The following CHST15 variants were observed in gnomAD, a reference collection of about 807,000 sequenced individuals.
The protein encoded by CHST15 is B cell RAG associated protein (GALNAC4S-6ST).
CHST15 carries 30 observed loss-of-function variants against 53.6 expected under a neutral mutation model. The observed-to-expected ratio is 0.56, with a 90% CI of 0.42 to 0.76. CHST15 has a LOEUF of 0.76. Among genes scored for constraint, CHST15 ranks in the 30% least tolerant of loss-of-function variants. The pLI is 0.00. For synonymous variants in CHST15, 296 were observed against 289.8 expected (o/e 1.02, Z -0.22); for missense variants, 627 against 740.5 (o/e 0.85, Z 1.78).
At chr10:124,025,690 T>C (rs1367874897) in intron 5 of CHST15, among the ~76,000 whole-genome samples, 2 of 152,170 alleles carry the variant, frequency 1.3e-5, no homozygotes, top group African/African-American at 4.8e-5. Context: ...GCAGATGTCA[T>C]TAAGTGTAGG....
At chr10:124,057,153 T>A (rs1277937166) in intron 1 of CHST15, among the ~76,000 whole-genome samples, 1 of 152,254 alleles carries the variant, frequency 6.6e-6, no homozygotes, top group Non-Finnish European at 1.5e-5. Context: ...TCTCAGGGCC[T>A]CTGTTTCTCC....
At chr10:124,079,420 C>T (rs932920254) in intron 1 of CHST15, among the ~76,000 whole-genome samples, 3 of 152,198 alleles carry the variant, frequency 2.0e-5, no homozygotes, top group East Asian at 3.9e-4. Context: ...CACAAGAAAG[C>T]CTGGCATTAA....
rs1342397659 is a variant in CHST15, at chr10:124,046,704, C to T, written c.-492G>A. 1 of 152,898 alleles carries T rather than the reference C, an allele frequency of 6.5e-6. No individual in the cohort carries two copies. Among genetic ancestry groups the T allele is most frequent in the Non-Finnish European group, 1.5e-5 (1 of 68,580 alleles). The allele number at this position is 152,898 out of a possible 1,614,324, so 9.5% of individuals were successfully genotyped here. A position where few individuals can be genotyped will look rare whatever the true frequency, so the allele number is the denominator to read the frequency against. On this transcript the variant is annotated 5_prime_UTR_variant, in exon 2 of 8. Coordinates refer to ENST00000435907, the MANE Select transcript of CHST15 (RefSeq NM_001270764.2). ...ATATTTCCTCTTTGTGGGGCGCAAA[C>T]TTTAAAAAATGCCAGATTTCCTACA...
chr10:124,027,080 T>A (rs1029663909), intron 5 of CHST15, among the ~76,000 whole-genome samples: 21 of 152,316 alleles, frequency 1.4e-4, no homozygotes, highest in African/African-American at 5.1e-4. Context: ...AGATGGGTAT[T>A]ACATTTGGCC....
Position 124,009,594 on chromosome 10 carries a change from G to C in CHST15, c.*555C>G. ...CGAAAGACTGCGGTTCTCTGTCCCA[G>C]TGAGGTTAGCGATCGCAACAAGAGT... On this transcript the variant is annotated 3_prime_UTR_variant, in exon 8 of 8. Coordinates refer to ENST00000435907, the MANE Select transcript of CHST15 (RefSeq NM_001270764.2). 2.0e-6 allele frequency: 2 copies of C among 990,040 alleles called. No homozygotes were observed. Among genetic ancestry groups the C allele is most frequent in the South Asian group, 4.6e-5 (1 of 21,780 alleles). 61.3% of individuals were successfully genotyped at this position (990,040 alleles called of 1,614,324 possible). A position where few individuals can be genotyped will look rare whatever the true frequency, so the allele number is the denominator to read the frequency against.
chr10:124,038,254 G>GCACC (rs1386400621), intron 5 of CHST15, among the ~76,000 whole-genome samples: 1 of 151,904 alleles, frequency 6.6e-6, no homozygotes, highest in Non-Finnish European at 1.5e-5. Flanking sequence ...CTATAGGAGT[G>GCACC]TGCCACCACA....
chr10:124,051,275 T>C (rs1320227191), intron 1 of CHST15, among the ~76,000 whole-genome samples: 2 of 152,160 alleles, frequency 1.3e-5, no homozygotes, highest in South Asian at 4.1e-4. Context: ...ATAGTAAATA[T>C]ACATAGTAAA....
chr10:124,073,153 C>A (rs1948972710), intron 1 of CHST15, among the ~76,000 whole-genome samples: 1 of 152,194 alleles, frequency 6.6e-6, no homozygotes, highest in African/African-American at 2.4e-5. Context: ...CAAAAGACAT[C>A]AACTAGAATG....
At position 124,024,760 on chromosome 10, in the gene CHST15, C is replaced by T. The variant is rs908198309; in HGVS notation, c.1191-3348G>A. ...TCAATAAGTGCCAAAATCAGACACG[C>T]GTGAACCTTCAAGCAAGGTTTGGCT... On this transcript the variant is annotated intron_variant, in intron 5 of 7. Coordinates refer to ENST00000435907, the MANE Select transcript of CHST15 (RefSeq NM_001270764.2). The surrounding 1 kb of genome is among the most constrained non-coding windows in gnomAD (Gnocchi z 4.0). Among the ~76,000 whole-genome samples, 49 of 152,188 alleles carry T rather than the reference C, an allele frequency of 3.2e-4. No individual in the cohort carries two copies. Among genetic ancestry groups the T allele is most frequent in the African/African-American group, 1.0e-3 (42 of 41,440 alleles).
chr10:124,060,247 C>G (rs1045397027), intron 1 of CHST15, among the ~76,000 whole-genome samples: 1 of 151,388 alleles, frequency 6.6e-6, no homozygotes, highest in Admixed American at 6.6e-5. Context: ...ATGTGCCAGC[C>G]CCGCCCCCAG....
rs780098921 is a variant in CHST15, at chr10:124,021,135, A to T, written c.1347+121T>A. 13 of 1,531,684 alleles carry T rather than the reference A, an allele frequency of 8.5e-6. 1 individual carries two copies. The highest frequency in any genetic ancestry group is 1.7e-4 in the Middle Eastern group (1 of 5,946). The allele number at this position is 1,531,684 out of a possible 1,614,324, so 94.9% of individuals were successfully genotyped here. On this transcript the variant is annotated intron_variant, in intron 6 of 7. Coordinates refer to ENST00000435907, the MANE Select transcript of CHST15 (RefSeq NM_001270764.2). ...AATGGGGAACAGCATTTGCACATTAAAACGCTTCTCTCTGTTCCTATGCTG... is the reference window on the plus strand; with the variant it reads ...AATGGGGAACAGCATTTGCACATTATAACGCTTCTCTCTGTTCCTATGCTG...
At chr10:124,032,887 T>C (rs1947279992) in intron 5 of CHST15, among the ~76,000 whole-genome samples, 1 of 143,838 alleles carries the variant, frequency 7.0e-6, no homozygotes, top group East Asian at 2.1e-4. Context: ...TTGCTTAAAA[T>C]TCCAACATTT....
rs374459985 is a variant in CHST15, at chr10:124,038,593, G to A, written c.1112C>T (p.Pro371Leu). Residue 371 changes from proline to leucine, a missense_variant, in exon 5 of 8, where the codon CCG (proline) becomes CTG (leucine). Around this residue, in one of 3 missense-constraint regions of CHST15, gnomAD observed 279 missense variants for 371.6 expected, o/e 0.75. Transcript: ENST00000435907. ...FYDNSTDGEP[P>L]FLTQDFIHAF... ...GTGGATGAAGTCCTGCGTCAGAAAC[G>A]GTGGCTCGCCATCCGTGCTGTTGTC... is the stretch of plus-strand genomic sequence containing the variant. 3.9e-5 allele frequency: 63 copies of A among 1,614,068 alleles called. 1 individual carries two copies. Among genetic ancestry groups the A allele is most frequent in the Non-Finnish European group, 4.6e-5 (54 of 1,180,042 alleles).
chr10:124,015,549 C>T (rs1412569447), intron 6 of CHST15, among the ~76,000 whole-genome samples: 1 of 151,990 alleles, frequency 6.6e-6, no homozygotes, highest in African/African-American at 2.4e-5. Flanking sequence ...CAGTCCCAGT[C>T]CCCACTTCTC....
chr10:124,082,836 A>G (rs1949292445), intron 1 of CHST15, among the ~76,000 whole-genome samples: 1 of 152,238 alleles, frequency 6.6e-6, no homozygotes, highest in East Asian at 1.9e-4. Flanking sequence ...ATTCTATGTG[A>G]TTCTGCTCAT....
chr10:124,061,460 G>A (rs1948570168), intron 1 of CHST15, among the ~76,000 whole-genome samples: 1 of 152,190 alleles, frequency 6.6e-6, no homozygotes, highest in African/African-American at 2.4e-5. Flanking sequence ...CAGCCAGGTG[G>A]AACTGTAAGT....
chr10:124,049,112 T>C lies in CHST15; in HGVS notation c.-512-2388A>G, dbSNP rs570868068. 2.0e-5 allele frequency among the ~76,000 whole-genome samples: 3 copies of C among 152,336 alleles called. No individual in the cohort carries two copies. The South Asian group carries it at 6.2e-4, about 32-fold the overall frequency. On this transcript the variant is annotated intron_variant, in intron 1 of 7. Coordinates refer to ENST00000435907, the MANE Select transcript of CHST15 (RefSeq NM_001270764.2). ...TACAGTGTTTTCTCAGCTCCTAGCA[T>C]TCTTTCATTCATTCATTCATTTGTT...
chr10:124,014,926 C>T (rs1009849629), intron 6 of CHST15, among the ~76,000 whole-genome samples: 2 of 152,218 alleles, frequency 1.3e-5, no homozygotes, highest in African/African-American at 4.8e-5. Context: ...TCCTCCTCAG[C>T]AGGCAGGGCT....
At chr10:124,076,265 A>G (rs549007454) in intron 1 of CHST15, among the ~76,000 whole-genome samples, 1 of 152,362 alleles carries the variant, frequency 6.6e-6, no homozygotes, top group African/African-American at 2.4e-5. Flanking sequence ...TCTCTTCTCA[A>G]AGCTGAGCTG....
Sources: gnomAD v4.1 joint callset for allele counts (sites outside exome capture counted in the v4.1 genomes callset) on GRCh38, gnomAD v4.1.1 for gene constraint, gnomAD v4.1.1 regional missense constraint, Gnocchi (gnomAD v3.1) non-coding constraint, MANE v1.5 for transcripts, NCBI Gene and HGNC (gene_info 2026-07-23, HGNC 2026-07-21) for gene names.